The following MARCHF1 variants were observed in gnomAD, a reference collection of about 807,000 sequenced individuals.
MARCHF1 encodes membrane associated ring-CH-type finger 1, also known as E3 ubiquitin-protein ligase MARCHF1.
MARCHF1 carries 40 observed loss-of-function variants against 54.2 expected under a neutral mutation model. That is an observed-to-expected ratio of 0.74 (90% confidence interval 0.57 to 0.96). The LOEUF is 0.96. MARCHF1 is among the 40% of genes least tolerant of loss of function. MARCHF1 has a pLI of 0.00. For synonymous variants in MARCHF1, 236 were observed against 236.3 expected, an observed-to-expected ratio of 1.00 and a Z score of 0.01; for missense variants, 586 against 656.5, an observed-to-expected ratio of 0.89 and a Z score of 1.17.
Position 164,197,629 on chromosome 4 carries a change from C to T in MARCHF1, c.-322-85967G>A, listed in dbSNP as rs145140148. ...GGCTTCGAGTTTGCCTTCATTCGAC[C>T]GACTGTTGTCCAGGGCAAGTTCTTT... On this transcript the variant is annotated intron_variant, in intron 1 of 9. Transcript: ENST00000514618. 11 of 1,612,854 alleles carry T rather than the reference C, an allele frequency of 6.8e-6. 1 individual carries two copies. The highest frequency in any genetic ancestry group is 3.3e-5 in the Admixed American group (2 of 59,894).
chr4:164,090,064 T>A (rs1324735465), intron 2 of MARCHF1, among the ~76,000 whole-genome samples: 1 of 151,912 alleles, frequency 6.6e-6, no homozygotes, highest in East Asian at 1.9e-4. Context: ...AGGCAACAGA[T>A]AAATAGGCAA....
At chr4:164,220,554 A>G (rs1732068620) in intron 1 of MARCHF1, among the ~76,000 whole-genome samples, 2 of 145,806 alleles carry the variant, frequency 1.4e-5, no homozygotes, top group South Asian at 4.2e-4. Flanking sequence ...TGTACTATAT[A>G]TGATATATAT....
chr4:164,291,791 T>A (rs942357294), intron 1 of MARCHF1, among the ~76,000 whole-genome samples: 7 of 152,074 alleles, frequency 4.6e-5, no homozygotes, highest in African/African-American at 1.7e-4. Context: ...TATAATCTTA[T>A]GGGACCACCC....
intron 2 of MARCHF1, among the ~76,000 whole-genome samples, chr4:164,027,217 C>T (rs565343849): frequency 6.6e-6 from 1 of 151,518 alleles, no homozygotes; most frequent in African/African-American, 2.4e-5. Context: ...TAATTTTTCA[C>T]AGCATTATAC....
chr4:164,159,597 T>C (rs1730174701), intron 1 of MARCHF1, among the ~76,000 whole-genome samples: 1 of 152,160 alleles, frequency 6.6e-6, no homozygotes, highest in Non-Finnish European at 1.5e-5. Flanking sequence ...AGTTTCCTCA[T>C]GTAGCAGATC....
intron 3 of MARCHF1, among the ~76,000 whole-genome samples, chr4:163,953,325 C>A (rs1344933489): frequency 6.6e-6 from 1 of 152,096 alleles, no homozygotes; most frequent in Non-Finnish European, 1.5e-5. Context: ...CACTTTCTTG[C>A]TGTATGACTT....
intron 7 of MARCHF1, among the ~76,000 whole-genome samples, chr4:163,590,062 G>GTGTGTGTGTGTGTGTGTGTA: frequency 6.6e-6 from 1 of 151,592 alleles, no homozygotes; most frequent in Admixed American, 6.6e-5. Flanking sequence ...ATTTTGGTGT[G>GTGTGTGTGTGTGTGTGTGTA]TGTGTGTGTG....
At chr4:163,783,786 G>A (rs545035470) in intron 4 of MARCHF1, among the ~76,000 whole-genome samples, 47 of 152,194 alleles carry the variant, frequency 3.1e-4, no homozygotes, top group African/African-American at 1.1e-3. Flanking sequence ...TGCCTGCAAT[G>A]CTGGTCCCTT....
At chr4:163,994,098 G>A (rs1035881262) in intron 2 of MARCHF1, among the ~76,000 whole-genome samples, 3 of 151,952 alleles carry the variant, frequency 2.0e-5, no homozygotes, top group African/African-American at 4.8e-5. Flanking sequence ...AAACTGTTTC[G>A]GAGGGCCAGT....
At chr4:164,350,812 C>G (rs999868241) in intron 1 of MARCHF1, among the ~76,000 whole-genome samples, 2 of 151,986 alleles carry the variant, frequency 1.3e-5, no homozygotes, top group South Asian at 2.1e-4. Flanking sequence ...GCGTGAGCGA[C>G]GCAGAAGATG....
intron 1 of MARCHF1, among the ~76,000 whole-genome samples, chr4:164,171,166 A>G (rs571650085): frequency 1.5e-4 from 23 of 151,804 alleles, no homozygotes; most frequent in African/African-American, 5.6e-4. Context: ...ATTTGCACTT[A>G]ATAGTACTTT....
chr4:164,037,210 T>C (rs1037668874), intron 2 of MARCHF1, among the ~76,000 whole-genome samples: 5 of 152,222 alleles, frequency 3.3e-5, no homozygotes, highest in African/African-American at 9.6e-5. Context: ...GGCTGTTGGA[T>C]ATGCAAGTCT....
chr4:163,680,542 C>T (rs1273730724), intron 5 of MARCHF1, among the ~76,000 whole-genome samples: 2 of 152,220 alleles, frequency 1.3e-5, no homozygotes, highest in Non-Finnish European at 2.9e-5. Flanking sequence ...AACATACTCT[C>T]TTTGGTGTTC....
chr4:163,652,543 A>G (rs1413262518), intron 5 of MARCHF1, among the ~76,000 whole-genome samples: 1 of 151,654 alleles, frequency 6.6e-6, no homozygotes, highest in Non-Finnish European at 1.5e-5. Flanking sequence ...AATTAACTTC[A>G]TCTCAAGCCC....
At chr4:163,960,814 TAAA>T (rs70948681) in intron 3 of MARCHF1, among the ~76,000 whole-genome samples, 46 of 134,672 alleles carry the variant, frequency 3.4e-4, no homozygotes, top group African/African-American at 1.1e-3. Context: ...AAATAAAAGA[TAAA>T]AAAAAAAAAA....
rs1734250594 is a variant in MARCHF1, at chr4:164,290,080, CTCATA to C, written c.-323+93785_-323+93789del. Among the ~76,000 whole-genome samples, 3 of 151,720 alleles carry C rather than the reference CTCATA, an allele frequency of 2.0e-5. No individual in the cohort carries two copies. The South Asian group carries it at 6.2e-4, about 31-fold the overall frequency. On this transcript the variant is annotated intron_variant, in intron 1 of 9. Transcript: ENST00000514618. The stretch of plus-strand genomic sequence containing the variant: ...TTTCTTTTCCTGTGCCCTGACGCAT[CTCATA>C]TATGTCTCTATAATAGCATTCAACA...
intron 5 of MARCHF1, among the ~76,000 whole-genome samples, chr4:163,638,001 C>G (rs1477686828): frequency 6.7e-6 from 1 of 148,478 alleles, no homozygotes; most frequent in East Asian, 2.0e-4. Flanking sequence ...AACAAAAAAC[C>G]AAACACCGCA....
At chr4:164,334,035 A>G (rs992225439) in intron 1 of MARCHF1, among the ~76,000 whole-genome samples, 2 of 152,228 alleles carry the variant, frequency 1.3e-5, no homozygotes, top group African/African-American at 4.8e-5. Context: ...AGAAAGCTGC[A>G]GAAGAAAAGT....
At chr4:163,879,841 T>G (rs954290688) in intron 3 of MARCHF1, among the ~76,000 whole-genome samples, 1 of 121,950 alleles carries the variant, frequency 8.2e-6, no homozygotes, top group African/African-American at 2.9e-5. Context: ...GTGTAGCTTT[T>G]ATAATCCAAA....
Sources: allele counts gnomAD v4.1 joint callset (sites outside exome capture counted in the v4.1 genomes callset), GRCh38; gene constraint gnomAD v4.1.1; transcripts MANE v1.5; gene names NCBI Gene and HGNC (gene_info 2026-07-23, HGNC 2026-07-21).